The following RHOBTB2 variants were observed in gnomAD, a reference collection of about 807,000 sequenced individuals.
RHOBTB2 encodes the protein rho-related BTB domain-containing protein 2.
In RHOBTB2, 39 loss-of-function variants were observed where a neutral mutation model predicts 66.5. The ratio of observed to expected loss-of-function variants is 0.59; its 90% confidence interval spans 0.45 to 0.77. RHOBTB2 has a LOEUF of 0.77. RHOBTB2 is among the 30% of genes least tolerant of loss of function. RHOBTB2 has a pLI of 0.00. For synonymous variants in RHOBTB2, 390 were observed against 395.0 expected, an observed-to-expected ratio of 0.99 and a Z score of 0.15; for missense variants, 755 against 999.1, an observed-to-expected ratio of 0.76 and a Z score of 3.29.
At chr8:22,987,885 G>T (rs1310215834) in intron 1 of RHOBTB2, among the ~76,000 whole-genome samples, 1 of 152,104 alleles carries the variant, frequency 6.6e-6, no homozygotes. Context: ...GTCACCAGTC[G>T]CCATGTGCCA....
intron 7 of RHOBTB2, 84 bp from the exon 8 acceptor site, chr8:23,014,606 T>C (rs754842700): frequency 5.5e-5 from 71 of 1,293,032 alleles, no homozygotes; most frequent in Middle Eastern, 2.0e-4. Context: ...TTCCTCACCC[T>C]GAAGTGAGCT....
intron 6 of RHOBTB2, among the ~76,000 whole-genome samples, chr8:23,008,561 T>C (rs1313538296): frequency 6.6e-6 from 1 of 152,142 alleles, no homozygotes; most frequent in Non-Finnish European, 1.5e-5. Context: ...AGATAGGTTT[T>C]ATTATTATTG....
chr8:22,990,785 A>G (rs1810406452), intron 1 of RHOBTB2, among the ~76,000 whole-genome samples: 1 of 152,136 alleles, frequency 6.6e-6, no homozygotes, highest in Non-Finnish European at 1.5e-5. Context: ...CCCGCCGCTC[A>G]ACCCAGGCCC....
upstream of RHOBTB2, among the ~76,000 whole-genome samples, chr8:22,995,114 A>T (rs1810513232): frequency 6.6e-6 from 1 of 152,086 alleles, no homozygotes; most frequent in Non-Finnish European, 1.5e-5. Context: ...ATTTTTTTTA[A>T]TAGAGACAGG....
At chr8:23,007,801 C>A in intron 5 of RHOBTB2, 55 bp downstream of exon 5, 3 of 1,585,526 alleles carry the variant, frequency 1.9e-6, no homozygotes, top group Non-Finnish European at 2.6e-6. Flanking sequence ...ATTAGCATTG[C>A]CTGTCTGTCT....
the RHOBTB2 span, among the ~76,000 whole-genome samples, chr8:22,976,148 AAAAT>A: frequency 6.6e-6 from 1 of 152,038 alleles, no homozygotes; most frequent in African/African-American, 2.4e-5. Context: ...TCTGTCTCAA[AAAAT>A]AAATAAATAA....
chr8:23,004,302 C>T lies in RHOBTB2; in HGVS notation c.-10-123C>T. On this transcript the variant is annotated intron_variant, in intron 1 of 9. Transcript: ENST00000251822. The surrounding 1 kb of genome is among the most constrained non-coding windows in gnomAD (Gnocchi z 6.4). ...CCAGAACGTTGCCCACTCCTTCCTC[C>T]TCCTGTCAGCTCCGGGGCTTGCAGA... is the stretch of plus-strand genomic sequence containing the variant. The T allele has an allele frequency of 2.5e-6, 2 of 812,348 alleles. No individual in the cohort carries two copies. Among genetic ancestry groups the T allele is most frequent in the Non-Finnish European group, 4.1e-6 (2 of 490,708 alleles). 50.3% of individuals were successfully genotyped at this position (812,348 alleles called of 1,614,324 possible).
Position 23,006,215 on chromosome 8 carries a change from G to C in RHOBTB2, c.482+70G>C. 1 of 1,376,808 alleles carries C rather than the reference G, an allele frequency of 7.3e-7. No homozygotes were observed. The highest frequency in any genetic ancestry group is 1.3e-5 in the South Asian group (1 of 78,958). The allele number at this position is 1,376,808 out of a possible 1,614,324, so 85.3% of individuals were successfully genotyped here. A position where few individuals can be genotyped will look rare whatever the true frequency, so the allele number is the denominator to read the frequency against. On this transcript the variant is annotated intron_variant, in intron 4 of 9. Coordinates refer to ENST00000251822, the MANE Select transcript of RHOBTB2 (RefSeq NM_015178.3). The surrounding 1 kb of genome is among the most constrained non-coding windows in gnomAD (Gnocchi z 6.1). ...CACCATGGCTCCCTGCTCAGCCCTG[G>C]GGGAATTCCACTGAGCCTCATATCT...
chr8:23,014,864 T>TG, intron 8 of RHOBTB2, 86 bp downstream of exon 8: 2 of 1,093,400 alleles, frequency 1.8e-6, no homozygotes, highest in Non-Finnish European at 2.8e-6. Context: ...GGGTGGAAGA[T>TG]GGTCTATGCG....
the RHOBTB2 span, among the ~76,000 whole-genome samples, chr8:22,953,311 T>G: frequency 6.6e-6 from 1 of 152,114 alleles, no homozygotes. Flanking sequence ...TTCAGGTGTT[T>G]CTATGTGTTG....
intron 2 of RHOBTB2, among the ~76,000 whole-genome samples, 153 bp from the exon 3 acceptor site, chr8:23,005,219 G>A (rs532716764): frequency 7.2e-5 from 11 of 152,296 alleles, no homozygotes; most frequent in Admixed American, 6.5e-4. Context: ...GATGAAAGTT[G>A]TGCAGGGTGC....
At chr8:22,994,437 C>T (rs1810493922) in intron 2 of RHOBTB2, 2 of 600,522 alleles carry the variant, frequency 3.3e-6, no homozygotes, top group Admixed American at 3.0e-5. Flanking sequence ...GGGCCGCTCT[C>T]TTGTCCTGAG....
At chr8:22,998,647 C>T (rs889087647), upstream of RHOBTB2, among the ~76,000 whole-genome samples, 1 of 140,804 alleles carries the variant, frequency 7.1e-6, no homozygotes, top group Non-Finnish European at 1.5e-5. Context: ...GGCAGAACTG[C>T]TTGAACCCAA....
chr8:23,011,267 C>G (rs771977787), intron 7 of RHOBTB2, among the ~76,000 whole-genome samples: 5 of 152,078 alleles, frequency 3.3e-5, no homozygotes, highest in African/African-American at 1.2e-4. Flanking sequence ...AACAAACAAA[C>G]AAAAAATGGA....
At chr8:23,013,230 G>C (rs1283276278) in intron 7 of RHOBTB2, among the ~76,000 whole-genome samples, 1 of 151,870 alleles carries the variant, frequency 6.6e-6, no homozygotes, top group Non-Finnish European at 1.5e-5. Flanking sequence ...CACCAAGCCT[G>C]GCCTAGTTTA....
the RHOBTB2 span, among the ~76,000 whole-genome samples, chr8:22,961,298 CT>C: frequency 2.1e-4 from 32 of 152,282 alleles, no homozygotes; most frequent in African/African-American, 7.0e-4. Flanking sequence ...AGCCTCTGAG[CT>C]CCAGTCAATC....
upstream of RHOBTB2, among the ~76,000 whole-genome samples, chr8:22,982,536 C>G (rs1008721870): frequency 6.6e-6 from 1 of 152,104 alleles, no homozygotes; most frequent in South Asian, 2.1e-4. Context: ...GCAGGAGAAT[C>G]ACTTGAACCC....
At chr8:22,969,141 A>C in the RHOBTB2 span, among the ~76,000 whole-genome samples, 511 of 152,358 alleles carry the variant, frequency 3.4e-3, 5 homozygotes, top group African/African-American at 0.011. Context: ...GCACATCTTA[A>C]ATGGCAGCAG....
chr8:23,001,533 A>G lies in RHOBTB2; in HGVS notation c.-11+1428A>G, dbSNP rs75260083. Among the ~76,000 whole-genome samples the G allele has an allele frequency of 3.7e-3, 563 of 152,316 alleles. 5 individuals carry two copies. The highest frequency in any genetic ancestry group is 0.013 in the African/African-American group (539 of 41,568). On this transcript the variant is annotated intron_variant, in intron 1 of 9. Coordinates refer to ENST00000251822, the MANE Select transcript of RHOBTB2 (RefSeq NM_015178.3). ...TAACACTTGAATTGGGCCAGTCTGT[A>G]TCTTAAAGACAGATATAATTACACA...
Sources: gnomAD v4.1 joint callset for allele counts (sites outside exome capture counted in the v4.1 genomes callset) on GRCh38, gnomAD v4.1.1 for gene constraint, Gnocchi (gnomAD v3.1) non-coding constraint, MANE v1.5 for transcripts, NCBI Gene and HGNC (gene_info 2026-07-23, HGNC 2026-07-21) for gene names.